PDSS2: variants seen among roughly 807,000 people sequenced by gnomAD.
PDSS2 encodes decaprenyl diphosphate synthase subunit 2.
PDSS2 carries 31 observed loss-of-function variants against 44.5 expected under a neutral mutation model. That is an observed-to-expected ratio of 0.70 (90% CI 0.52 to 0.94). PDSS2 has a LOEUF of 0.94. Among genes scored for constraint, PDSS2 ranks in the 40% least tolerant of loss-of-function variants. The pLI is 0.00. For missense variants in PDSS2, 452 were observed against 482.2 expected, an observed-to-expected ratio of 0.94 and a Z score of 0.59; for synonymous variants, 157 against 180.3, an observed-to-expected ratio of 0.87 and a Z score of 1.03.
intron 1 of PDSS2, among the ~76,000 whole-genome samples, chr6:107,401,124 A>G (rs1370989299): frequency 1.3e-5 from 2 of 152,182 alleles, no homozygotes; most frequent in Non-Finnish European, 2.9e-5. Flanking sequence ...GGAGGTCAAC[A>G]TGCAAAGCCC....
chr6:107,336,711 G>A (rs1777903986), intron 1 of PDSS2, among the ~76,000 whole-genome samples: 1 of 151,390 alleles, frequency 6.6e-6, no homozygotes, highest in Non-Finnish European at 1.5e-5. Context: ...TAGGCTACTA[G>A]ATTCTTATTT....
At chr6:107,396,121 A>C (rs1471995617) in intron 1 of PDSS2, among the ~76,000 whole-genome samples, 1 of 152,204 alleles carries the variant, frequency 6.6e-6, no homozygotes, top group Non-Finnish European at 1.5e-5. Context: ...TCAGCTCCTC[A>C]ATAACTTTTT....
intron 1 of PDSS2, among the ~76,000 whole-genome samples, chr6:107,433,075 A>AC (rs1166300476): frequency 5.3e-5 from 8 of 152,128 alleles, no homozygotes; most frequent in African/African-American, 1.7e-4. Context: ...TCCAGGAAAA[A>AC]AATTTTTTTT....
At chr6:107,170,962 C>G (rs1403659973) in intron 7 of PDSS2, among the ~76,000 whole-genome samples, 1 of 152,096 alleles carries the variant, frequency 6.6e-6, no homozygotes, top group African/African-American at 2.4e-5. Context: ...TTGCAACAAT[C>G]AAATTAAAAC....
intron 2 of PDSS2, among the ~76,000 whole-genome samples, chr6:107,303,581 C>T (rs570991643): frequency 1.3e-5 from 2 of 152,278 alleles, no homozygotes; most frequent in South Asian, 2.1e-4. Flanking sequence ...TCATACTATA[C>T]ATATGGTACT....
chr6:107,413,199 G>A (rs1780557052), intron 1 of PDSS2, among the ~76,000 whole-genome samples: 1 of 152,114 alleles, frequency 6.6e-6, no homozygotes, highest in Non-Finnish European at 1.5e-5. Context: ...TGTAAATTAA[G>A]TAAGAAAGAA....
intron 2 of PDSS2, among the ~76,000 whole-genome samples, chr6:107,282,632 G>A (rs551975764): frequency 4.0e-5 from 6 of 151,736 alleles, no homozygotes; most frequent in East Asian, 2.0e-4. Flanking sequence ...TTGGGAGGCC[G>A]AGGCGGGTGG....
At chr6:107,330,635 C>T (rs1279523686) in intron 2 of PDSS2, among the ~76,000 whole-genome samples, 1 of 152,026 alleles carries the variant, frequency 6.6e-6, no homozygotes, top group African/African-American at 2.4e-5. Flanking sequence ...ATCTTTTGTA[C>T]ACAAAATAAA....
At chr6:107,374,869 C>T (rs1484775007) in intron 1 of PDSS2, among the ~76,000 whole-genome samples, 6 of 151,834 alleles carry the variant, frequency 4.0e-5, no homozygotes, top group East Asian at 3.9e-4. Context: ...TTATAATTTC[C>T]GATTTTGAGT....
chr6:107,233,148 T>C (rs1774108831), intron 4 of PDSS2, among the ~76,000 whole-genome samples: 1 of 152,200 alleles, frequency 6.6e-6, no homozygotes, highest in African/African-American at 2.4e-5. Flanking sequence ...TTCTACTGTA[T>C]CTTCTAAGGA....
At chr6:107,234,370 T>C (rs1202430447) in intron 4 of PDSS2, among the ~76,000 whole-genome samples, 4 of 152,024 alleles carry the variant, frequency 2.6e-5, no homozygotes, top group African/African-American at 4.8e-5. Context: ...TATGCCCGGC[T>C]AATTTTGTAT....
At chr6:107,347,293 C>T (rs1025540630) in intron 1 of PDSS2, among the ~76,000 whole-genome samples, 15 of 136,756 alleles carry the variant, frequency 1.1e-4, no homozygotes, top group Admixed American at 4.0e-4. Flanking sequence ...GACGGAGTCT[C>T]GCTCTGTTGC....
At chr6:107,402,909 A>G (rs984559750) in intron 1 of PDSS2, among the ~76,000 whole-genome samples, 6 of 152,098 alleles carry the variant, frequency 3.9e-5, no homozygotes, top group South Asian at 2.1e-4. Context: ...GGGTAGAGAC[A>G]TAGCCAAACC....
intron 7 of PDSS2, among the ~76,000 whole-genome samples, chr6:107,191,952 G>C (rs964107462): frequency 6.6e-6 from 1 of 152,266 alleles, no homozygotes; most frequent in East Asian, 1.9e-4. Flanking sequence ...TCTGGTGTGG[G>C]ATGCTGATGG....
rs1398680153 is a variant in PDSS2 at position 107,201,555 on chromosome 6, GT to G, written c.1009-7702del. Among the ~76,000 whole-genome samples the G allele has an allele frequency of 4.6e-5, 7 of 152,154 alleles. 1 individual carries two copies. The South Asian group carries it at 1.5e-3, about 32-fold the overall frequency. On this transcript the variant is annotated intron_variant, in intron 6 of 7. Coordinates refer to ENST00000369037, the MANE Select transcript of PDSS2 (RefSeq NM_020381.4). ...TGGTCTTTTACTTTAAGAAACAAAC[GT>G]TTTTTTATAAGTCAGGTAACAAAGA... is the stretch of plus-strand genomic sequence containing the variant.
At chr6:107,326,851 C>CAA (rs1287392644) in intron 2 of PDSS2, among the ~76,000 whole-genome samples, 2 of 100,110 alleles carry the variant, frequency 2.0e-5, no homozygotes. Context: ...GGCTCTGTCT[C>CAA]AAAAAAAAAA....
intron 3 of PDSS2, among the ~76,000 whole-genome samples, chr6:107,266,290 A>G (rs181195876): frequency 7.2e-4 from 110 of 152,296 alleles, no homozygotes; most frequent in African/African-American, 2.5e-3. Flanking sequence ...TATTACGATT[A>G]AAAGAGAGCT....
intron 1 of PDSS2, among the ~76,000 whole-genome samples, chr6:107,432,515 G>A (rs1781221728): frequency 6.6e-6 from 1 of 152,156 alleles, no homozygotes; most frequent in South Asian, 2.1e-4. Context: ...CTTTGGCCAG[G>A]TACGGTGGCT....
chr6:107,415,090 G>A (rs1285020742), intron 1 of PDSS2, among the ~76,000 whole-genome samples: 3 of 151,952 alleles, frequency 2.0e-5, no homozygotes, highest in Non-Finnish European at 2.9e-5. Flanking sequence ...CTCCACCTCC[G>A]GGTTCAAGCT....
Sources: allele counts gnomAD v4.1 joint callset (sites outside exome capture counted in the v4.1 genomes callset), GRCh38; gene constraint gnomAD v4.1.1; transcripts MANE v1.5; gene names NCBI Gene and HGNC (gene_info 2026-07-23, HGNC 2026-07-21).